The following MYO1D variants were observed in gnomAD, a reference collection of about 807,000 sequenced individuals.
MYO1D encodes the protein myosin ID.
MYO1D carries 83 observed loss-of-function variants against 122.0 expected under a neutral mutation model. The observed-to-expected ratio is 0.68, with a 90% confidence interval of 0.57 to 0.82. The LOEUF is 0.82. MYO1D is among the 40% of genes least tolerant of loss of function. MYO1D has a pLI of 0.00. For missense variants in MYO1D, 1,157 were observed against 1,269.5 expected, an observed-to-expected ratio of 0.91 and a Z score of 1.35; for synonymous variants, 464 against 446.9, an observed-to-expected ratio of 1.04 and a Z score of -0.48.
At chr17:32,561,926 A>G (rs2087129785) in intron 21 of MYO1D, among the ~76,000 whole-genome samples, 2 of 152,168 alleles carry the variant, frequency 1.3e-5, no homozygotes, top group Non-Finnish European at 2.9e-5. Flanking sequence ...GCTGGAAAAC[A>G]CAGAAAAGTT....
intron 1 of MYO1D, among the ~76,000 whole-genome samples, chr17:32,800,037 A>G (rs1176105953): frequency 6.6e-6 from 1 of 152,208 alleles, no homozygotes; most frequent in Admixed American, 6.5e-5. Context: ...AAATGAGATA[A>G]GAAGTGTTAG....
At chr17:32,513,170 A>C (rs1909755136) in intron 21 of MYO1D, among the ~76,000 whole-genome samples, 1 of 152,202 alleles carries the variant, frequency 6.6e-6, no homozygotes, top group Admixed American at 6.5e-5. Context: ...CTTAATAAAG[A>C]GCCAATACAT....
intron 1 of MYO1D, among the ~76,000 whole-genome samples, chr17:32,863,380 C>T (rs1041058510): frequency 2.6e-5 from 4 of 152,212 alleles, no homozygotes; most frequent in Non-Finnish European, 5.9e-5. Flanking sequence ...TGCCCTACGA[C>T]TGATATACCC....
At position 32,827,580 on chromosome 17, in the gene MYO1D, A is replaced by G. The variant is rs538200834; in HGVS notation, c.96-46796T>C. On this transcript the variant is annotated intron_variant, in intron 1 of 21. Transcript: ENST00000318217. ...GGTAATTTTATGTTACATATATTTTACTACAATAAAAAAATTAATAAGCAT... is the reference window on the plus strand; with the variant it reads ...GGTAATTTTATGTTACATATATTTTGCTACAATAAAAAAATTAATAAGCAT... 4.6e-5 allele frequency among the ~76,000 whole-genome samples: 7 copies of G among 152,368 alleles called. No homozygotes were observed. In the South Asian group the frequency reaches 1.4e-3, roughly 32 times the overall value.
intron 1 of MYO1D, among the ~76,000 whole-genome samples, chr17:32,800,821 C>T (rs575846027): frequency 1.1e-4 from 16 of 152,184 alleles, no homozygotes; most frequent in African/African-American, 3.9e-4. Context: ...AATCCTCCCA[C>T]CTCAGCCTCC....
chr17:32,722,382 G>C (rs565429660), intron 14 of MYO1D, among the ~76,000 whole-genome samples: 2 of 152,328 alleles, frequency 1.3e-5, no homozygotes, highest in East Asian at 1.9e-4. Flanking sequence ...TGTGTCAGCA[G>C]GGTTGGTGTT....
At chr17:32,536,296 A>G (rs8076919) in intron 21 of MYO1D, among the ~76,000 whole-genome samples, 3,475 of 152,176 alleles carry the variant, frequency 0.023, 143 homozygotes, top group African/African-American at 0.077. Flanking sequence ...CGGCCTCCCA[A>G]AGTGCTGGGA....
chr17:32,691,319 A>G (rs2089095327), intron 16 of MYO1D, among the ~76,000 whole-genome samples: 1 of 151,658 alleles, frequency 6.6e-6, no homozygotes, highest in Non-Finnish European at 1.5e-5. Flanking sequence ...ACTCATAGCC[A>G]ATCGCTCTTC....
chr17:32,710,503 C>T (rs1231261968), intron 16 of MYO1D, among the ~76,000 whole-genome samples: 1 of 152,096 alleles, frequency 6.6e-6, no homozygotes, highest in African/African-American at 2.4e-5. Context: ...GAAGAAAATA[C>T]AGAATATCTT....
intron 16 of MYO1D, among the ~76,000 whole-genome samples, chr17:32,695,738 T>C (rs1023315024): frequency 6.6e-6 from 1 of 152,220 alleles, no homozygotes; most frequent in Non-Finnish European, 1.5e-5. Flanking sequence ...TTGATAAGGA[T>C]GTAGAAGAAT....
At chr17:32,770,985 G>C (rs2151022865) in intron 6 of MYO1D, 140 bp downstream of exon 6, 5 of 504,554 alleles carry the variant, frequency 9.9e-6, no homozygotes, top group Middle Eastern at 3.2e-4. Flanking sequence ...CTCTGTCCTT[G>C]AGAATTTAAA....
chr17:32,827,601 A>C (rs1005297717), intron 1 of MYO1D, among the ~76,000 whole-genome samples: 35 of 152,228 alleles, frequency 2.3e-4, no homozygotes, highest in Admixed American at 1.4e-3. Flanking sequence ...AAAATTAATA[A>C]GCATTTTGTA....
At chr17:32,516,580 G>A (rs1431261753) in intron 21 of MYO1D, among the ~76,000 whole-genome samples, 1 of 152,170 alleles carries the variant, frequency 6.6e-6, no homozygotes, top group African/African-American at 2.4e-5. Context: ...TTGTCTCCCT[G>A]CCCCCAGTCT....
rs536696565 is a variant in MYO1D, at chr17:32,723,358, G to A, written c.1747-2169C>T. 3.3e-5 allele frequency among the ~76,000 whole-genome samples: 5 copies of A among 152,304 alleles called. No homozygotes were observed. The East Asian group carries it at 7.7e-4, about 23-fold the overall frequency. ...GATTAATGCTAACTCTGGGTAGTTA[G>A]TGTAAGAACTGAATTGAATTGTAGG... On this transcript the variant is annotated intron_variant, in intron 14 of 21. Transcript: ENST00000318217.
chr17:32,858,774 T>C (rs1273415063), intron 1 of MYO1D, among the ~76,000 whole-genome samples: 1 of 152,240 alleles, frequency 6.6e-6, no homozygotes, highest in Non-Finnish European at 1.5e-5. Context: ...AAATATCCCA[T>C]TCCTCATCAA....
intron 21 of MYO1D, among the ~76,000 whole-genome samples, chr17:32,502,970 A>G (rs894452804): frequency 6.6e-6 from 1 of 152,244 alleles, no homozygotes; most frequent in African/African-American, 2.4e-5. Context: ...TTTAATGGCC[A>G]GCAAACTGTG....
chr17:32,860,316 G>C (rs2091059231), intron 1 of MYO1D, among the ~76,000 whole-genome samples: 1 of 152,148 alleles, frequency 6.6e-6, no homozygotes, highest in Non-Finnish European at 1.5e-5. Flanking sequence ...GTTTGGTCTG[G>C]TTTTCTTTTT....
intron 16 of MYO1D, among the ~76,000 whole-genome samples, chr17:32,700,936 T>C (rs1312379473): frequency 1.6e-5 from 2 of 121,446 alleles, no homozygotes; most frequent in Non-Finnish European, 3.3e-5. Flanking sequence ...AGAGTAAGAC[T>C]CCATCTCAAA....
At chr17:32,666,918 T>C (rs2088644337) in intron 16 of MYO1D, among the ~76,000 whole-genome samples, 1 of 152,238 alleles carries the variant, frequency 6.6e-6, no homozygotes, top group Non-Finnish European at 1.5e-5. Context: ...CTTTCTTCCA[T>C]TTCTATCTTT....
Sources: gnomAD v4.1 joint callset for allele counts (sites outside exome capture counted in the v4.1 genomes callset) on GRCh38, gnomAD v4.1.1 for gene constraint, MANE v1.5 for transcripts, NCBI Gene and HGNC (gene_info 2026-07-23, HGNC 2026-07-21) for gene names.